The following CEP85L variants were observed in gnomAD, a reference collection of about 807,000 sequenced individuals.
The protein encoded by CEP85L is centrosomal protein of 85 kDa-like.
CEP85L carries 60 observed loss-of-function variants against 100.3 expected under a neutral mutation model. The ratio of observed to expected loss-of-function variants is 0.60; its 90% CI spans 0.49 to 0.74. The LOEUF (loss-of-function observed/expected upper bound fraction) is 0.74, where lower values mean the gene tolerates loss of function less well. Among genes scored for constraint, CEP85L ranks in the 30% least tolerant of loss-of-function variants. CEP85L has a pLI of 0.00. For synonymous variants in CEP85L, 319 were observed against 322.7 expected, an observed-to-expected ratio of 0.99 and a Z score of 0.12; for missense variants, 973 against 936.2, an observed-to-expected ratio of 1.04 and a Z score of -0.51.
intron 1 of CEP85L, among the ~76,000 whole-genome samples, chr6:118,703,490 C>T (rs529588846): frequency 6.6e-6 from 1 of 152,344 alleles, no homozygotes; most frequent in Admixed American, 6.5e-5. Context: ...CAGGCATAGG[C>T]CACCGTGCCC....
intron 5 of CEP85L, among the ~76,000 whole-genome samples, chr6:118,507,398 G>T (rs1486282275): frequency 1.3e-5 from 2 of 152,126 alleles, no homozygotes; most frequent in Non-Finnish European, 2.9e-5. Context: ...TTCCTGACTG[G>T]TTTCCCTGCC....
In CEP85L at chr6:118,632,435, A is replaced by G. The variant is rs751425868; in HGVS notation, c.232+18T>C. 1 of 1,574,792 alleles carries G rather than the reference A, an allele frequency of 6.4e-7. No individual in the cohort carries two copies. The highest frequency in any genetic ancestry group is 8.6e-7 in the Non-Finnish European group (1 of 1,161,130). On this transcript the variant is annotated intron_variant, in intron 2 of 12. Coordinates refer to ENST00000368491, the MANE Select transcript of CEP85L (RefSeq NM_001042475.3). Reference sequence around the variant, plus strand: ...CTCTTCAAAGATTCATATATAAACAATAAGAATTTTAGCTCACCTTCCACG... The same window carrying G: ...CTCTTCAAAGATTCATATATAAACAGTAAGAATTTTAGCTCACCTTCCACG...
intron 2 of CEP85L, among the ~76,000 whole-genome samples, chr6:118,629,572 T>C (rs1774010749): frequency 6.6e-6 from 1 of 152,224 alleles, no homozygotes; most frequent in South Asian, 2.1e-4. Context: ...CATGTATTGC[T>C]GGAATGCAAA....
At chr6:118,549,140 A>G (rs1258658523) in intron 3 of CEP85L, among the ~76,000 whole-genome samples, 2 of 151,820 alleles carry the variant, frequency 1.3e-5, no homozygotes, top group Non-Finnish European at 2.9e-5. Context: ...TTGATACTTT[A>G]AAAAGTTATT....
At chr6:118,554,491 T>C (rs1040286121) in intron 3 of CEP85L, among the ~76,000 whole-genome samples, 4 of 152,146 alleles carry the variant, frequency 2.6e-5, no homozygotes, top group Non-Finnish European at 5.9e-5. Flanking sequence ...GTTTTAGTCA[T>C]AAAAATCCCT....
intron 3 of CEP85L, among the ~76,000 whole-genome samples, chr6:118,551,790 GC>G (rs1275310749): frequency 2.6e-5 from 4 of 151,970 alleles, no homozygotes; most frequent in African/African-American, 9.7e-5. Flanking sequence ...GACCAACAAA[GC>G]TCTGGAATGT....
At chr6:118,655,360 G>A (rs1775752318), upstream of CEP85L, among the ~76,000 whole-genome samples, 1 of 152,218 alleles carries the variant, frequency 6.6e-6, no homozygotes. Flanking sequence ...ATAGAATTCT[G>A]CCAACAGATG....
chr6:118,600,370 T>TGTGTGTGTGTGTGTGTGTGTGTGTGG lies in CEP85L; in HGVS notation c.232+32082_232+32083insCCACACACACACACACACACACACAC, dbSNP rs58066356. ...GTGTGTGTGTGTGTGTGTGTGTGTG[T>TGTGTGTGTGTGTGTGTGTGTGTGTGG]AACGCCATGGAGCAATCTCAGCTCA... is the stretch of plus-strand genomic sequence containing the variant. On this transcript the variant is annotated intron_variant, in intron 2 of 12. Coordinates refer to ENST00000368491, the MANE Select transcript of CEP85L (RefSeq NM_001042475.3). Among the ~76,000 whole-genome samples the TGTGTGTGTGTGTGTGTGTGTGTGTGG allele has an allele frequency of 2.5e-4, 22 of 86,442 alleles. 5 individuals carry two copies. Among genetic ancestry groups the TGTGTGTGTGTGTGTGTGTGTGTGTGG allele is most frequent in the Non-Finnish European group, 4.1e-4 (16 of 39,068 alleles). 56.7% of individuals were successfully genotyped at this position (86,442 alleles called of 152,430 possible).
intron 1 of CEP85L, among the ~76,000 whole-genome samples, chr6:118,677,294 TAAGG>T: frequency 6.6e-6 from 1 of 152,104 alleles, no homozygotes. Context: ...CAGAAGATAA[TAAGG>T]AAGTCCTTAT....
chr6:118,599,444 A>G (rs985306935), intron 2 of CEP85L, among the ~76,000 whole-genome samples: 1 of 152,220 alleles, frequency 6.6e-6, no homozygotes, highest in African/African-American at 2.4e-5. Context: ...TAAATAAATG[A>G]TTGAATAAAT....
chr6:118,533,149 A>C (rs1003742479), intron 3 of CEP85L, among the ~76,000 whole-genome samples: 5 of 152,130 alleles, frequency 3.3e-5, no homozygotes, highest in African/African-American at 1.2e-4. Flanking sequence ...AAATCAATAG[A>C]GTTTAAAACA....
intron 2 of CEP85L, among the ~76,000 whole-genome samples, chr6:118,571,098 T>C (rs1202839350): frequency 5.3e-5 from 8 of 152,160 alleles, no homozygotes; most frequent in Admixed American, 2.6e-4. Context: ...AAAAGGGTCA[T>C]TATTATACCT....
intron 2 of CEP85L, among the ~76,000 whole-genome samples, chr6:118,611,759 G>A (rs1379361843): frequency 6.6e-6 from 1 of 152,052 alleles, no homozygotes; most frequent in Non-Finnish European, 1.5e-5. Flanking sequence ...AAGACAGAGA[G>A]GGACATTATA....
intron 1 of CEP85L, among the ~76,000 whole-genome samples, chr6:118,642,956 G>T (rs1476296155): frequency 6.6e-6 from 1 of 152,138 alleles, no homozygotes. Context: ...CACGTATTTA[G>T]TTTTTGGTAA....
intron 1 of CEP85L, among the ~76,000 whole-genome samples, chr6:118,698,365 C>G (rs1055085415): frequency 2.0e-5 from 3 of 152,192 alleles, no homozygotes; most frequent in East Asian, 3.8e-4. Flanking sequence ...TCTCCAGAGT[C>G]ATCAGAATGT....
chr6:118,707,751 AC>A (rs1418774251), intron 1 of CEP85L, among the ~76,000 whole-genome samples: 3 of 152,138 alleles, frequency 2.0e-5, no homozygotes, highest in African/African-American at 7.2e-5. Flanking sequence ...ACATGTGCAA[AC>A]TTTTATGTAT....
chr6:118,588,646 C>A (rs905773093), intron 2 of CEP85L, among the ~76,000 whole-genome samples: 1 of 152,172 alleles, frequency 6.6e-6, no homozygotes, highest in East Asian at 1.9e-4. Flanking sequence ...AATTGGTTAG[C>A]CCCTTTATTA....
intron 3 of CEP85L, among the ~76,000 whole-genome samples, chr6:118,543,731 T>C (rs1033977090): frequency 6.2e-4 from 94 of 152,282 alleles, no homozygotes; most frequent in South Asian, 6.2e-4. Flanking sequence ...TAGGCATACA[T>C]GGCAATGGAC....
chr6:118,580,937 C>G (rs1780539392), intron 2 of CEP85L, among the ~76,000 whole-genome samples: 1 of 152,228 alleles, frequency 6.6e-6, no homozygotes, highest in Non-Finnish European at 1.5e-5. Context: ...GCCCCTTGGT[C>G]TGGAGAGCAC....
Sources: gnomAD v4.1 joint callset for allele counts (sites outside exome capture counted in the v4.1 genomes callset) on GRCh38, gnomAD v4.1.1 for gene constraint, MANE v1.5 for transcripts, NCBI Gene and HGNC (gene_info 2026-07-23, HGNC 2026-07-21) for gene names.